PLPPR1: variants seen among roughly 807,000 people sequenced by gnomAD.
The protein encoded by PLPPR1 is phospholipid phosphatase related 1, also known as phospholipid phosphatase-related protein type 1.
Under a neutral mutation model 33.1 loss-of-function variants are expected in PLPPR1, and 10 were observed. The ratio of observed to expected loss-of-function variants is 0.30; its 90% CI spans 0.19 to 0.51. The LOEUF is 0.51. Ranked by LOEUF, PLPPR1 falls within the 20% of genes least tolerant of loss-of-function variation. PLPPR1 has a pLI of 0.97. For missense variants in PLPPR1, 304 were observed against 408.1 expected, an observed-to-expected ratio of 0.74 and a Z score of 2.20; for synonymous variants, 151 against 151.0, an observed-to-expected ratio of 1.00 and a Z score of 0.00.
At position 101,308,513 on chromosome 9, in the gene PLPPR1, G is replaced by A. The variant is rs532356856; in HGVS notation, c.386-698G>A. ...GATACATTTGTGTTGTAAGCCCCTC[G>A]GTTTGTGGTAATTTGTTATAGCAGC... On this transcript the variant is annotated intron_variant, in intron 4 of 7. Coordinates refer to ENST00000374874, the MANE Select transcript of PLPPR1 (RefSeq NM_207299.2). Among the ~76,000 whole-genome samples, 9 of 152,226 alleles carry A rather than the reference G, an allele frequency of 5.9e-5. No individual in the cohort carries two copies. The South Asian group carries it at 1.0e-3, about 18-fold the overall frequency.
chr9:101,043,892 AATC>A (rs1332603376), intron 1 of PLPPR1, among the ~76,000 whole-genome samples: 2 of 152,140 alleles, frequency 1.3e-5, no homozygotes, highest in Admixed American at 1.3e-4. Flanking sequence ...GCATCTCCCT[AATC>A]ATTAGTCATG....
intron 2 of PLPPR1, among the ~76,000 whole-genome samples, chr9:101,208,312 A>AC (rs897125469): frequency 0.048 from 18 of 372 alleles, no homozygotes; most frequent in African/African-American, 0.19. Flanking sequence ...CACAGTGATT[A>AC]AAGTCCTCTG....
In PLPPR1 at chr9:101,188,398, T is replaced by C. The variant is rs563281543; in HGVS notation, c.63+2841T>C. ...ACCTCTATTATTAATTTTATGAGTATGTCATATATTCTGTAGTTTTTTTTC... is the reference window on the plus strand; with the variant it reads ...ACCTCTATTATTAATTTTATGAGTACGTCATATATTCTGTAGTTTTTTTTC... On this transcript the variant is annotated intron_variant, in intron 2 of 7. Transcript: ENST00000374874. Among the ~76,000 whole-genome samples the C allele has an allele frequency of 2.2e-4, 33 of 152,180 alleles. No individual in the cohort carries two copies. The East Asian group carries it at 3.7e-3, about 17-fold the overall frequency.
At chr9:101,279,995 G>A (rs1392238921) in intron 3 of PLPPR1, among the ~76,000 whole-genome samples, 1 of 151,974 alleles carries the variant, frequency 6.6e-6, no homozygotes, top group Non-Finnish European at 1.5e-5. Context: ...CAATACAAAA[G>A]ATCGATTAAA....
At chr9:101,076,783 T>G (rs546270448) in intron 1 of PLPPR1, among the ~76,000 whole-genome samples, 2 of 152,182 alleles carry the variant, frequency 1.3e-5, no homozygotes, top group Non-Finnish European at 2.9e-5. Context: ...GTAAGACATA[T>G]TTCTAAAGTG....
intron 2 of PLPPR1, among the ~76,000 whole-genome samples, chr9:101,243,143 A>ACC (rs1827512338): frequency 6.6e-6 from 1 of 152,060 alleles, no homozygotes; most frequent in Non-Finnish European, 1.5e-5. Flanking sequence ...GTAGAAATGT[A>ACC]TGATTCATCA....
intron 1 of PLPPR1, among the ~76,000 whole-genome samples, chr9:101,085,947 T>C (rs1205984351): frequency 6.6e-6 from 1 of 152,188 alleles, no homozygotes; most frequent in Non-Finnish European, 1.5e-5. Context: ...GTTGGAAATT[T>C]TCAATCTGTC....
chr9:101,286,259 C>G (rs752700672), intron 4 of PLPPR1, 23 bp downstream of exon 4: 1 of 1,582,334 alleles, frequency 6.3e-7, no homozygotes, highest in African/African-American at 1.4e-5. Context: ...TGGTGCTGAA[C>G]TAAGCTCTCA....
chr9:101,156,033 A>T (rs1366653534), intron 1 of PLPPR1, among the ~76,000 whole-genome samples: 1 of 152,232 alleles, frequency 6.6e-6, no homozygotes, highest in East Asian at 1.9e-4. Flanking sequence ...CTTCTGGCAG[A>T]TATAATACTT....
chr9:101,213,472 A>C (rs1826724520), intron 2 of PLPPR1, among the ~76,000 whole-genome samples: 1 of 152,172 alleles, frequency 6.6e-6, no homozygotes, highest in Non-Finnish European at 1.5e-5. Context: ...GAAGCATATA[A>C]AATTTGTAAA....
rs1049431098 is a variant in PLPPR1, at chr9:101,094,339, G to C, written c.-46+65237G>C. On this transcript the variant is annotated intron_variant, in intron 1 of 7. Transcript: ENST00000374874. ...TTCCCTGATTGTATTACCCTCCTGT[G>C]CCTTTGCAGTTGCTAGTGTTCTTTT... is the stretch of plus-strand genomic sequence containing the variant. 4.6e-5 allele frequency among the ~76,000 whole-genome samples: 7 copies of C among 152,032 alleles called. 1 individual carries two copies. The South Asian group carries it at 1.2e-3, about 27-fold the overall frequency.
intron 1 of PLPPR1, among the ~76,000 whole-genome samples, chr9:101,106,058 G>T (rs1351186441): frequency 4.6e-5 from 7 of 151,260 alleles, no homozygotes; most frequent in Non-Finnish European, 1.0e-4. Context: ...CATGTGAGAT[G>T]GGTTTCCTGA....
intron 1 of PLPPR1, among the ~76,000 whole-genome samples, chr9:101,065,366 T>C (rs1379107885): frequency 6.6e-6 from 1 of 152,114 alleles, no homozygotes; most frequent in Non-Finnish European, 1.5e-5. Context: ...ACTCACTTCC[T>C]TTCAAACCTT....
At chr9:101,305,006 A>G (rs1183656429) in intron 4 of PLPPR1, among the ~76,000 whole-genome samples, 1 of 152,058 alleles carries the variant, frequency 6.6e-6, no homozygotes, top group Non-Finnish European at 1.5e-5. Context: ...AAGGTAAGAG[A>G]GGAGAGTCTT....
At chr9:101,315,877 T>C (rs964072513) in intron 6 of PLPPR1, among the ~76,000 whole-genome samples, 10 of 152,088 alleles carry the variant, frequency 6.6e-5, no homozygotes, top group African/African-American at 2.4e-4. Context: ...GTGCTTTATG[T>C]TTGTGGTTCC....
intron 3 of PLPPR1, among the ~76,000 whole-genome samples, chr9:101,276,293 T>C (rs575125910): frequency 6.6e-6 from 1 of 152,368 alleles, no homozygotes; most frequent in East Asian, 1.9e-4. Flanking sequence ...TTTACATTTT[T>C]CTGGAAAAAA....
At chr9:101,243,769 AG>A (rs1827529075) in intron 2 of PLPPR1, among the ~76,000 whole-genome samples, 1 of 151,968 alleles carries the variant, frequency 6.6e-6, no homozygotes. Context: ...ATCAAAGTAT[AG>A]GTGGTAGTGG....
intron 1 of PLPPR1, among the ~76,000 whole-genome samples, chr9:101,115,538 G>A (rs1030322182): frequency 3.3e-5 from 5 of 152,204 alleles, no homozygotes; most frequent in Non-Finnish European, 7.3e-5. Flanking sequence ...GGGAATATAA[G>A]AGAGGACAAA....
chr9:101,126,260 A>G (rs1223709330), intron 1 of PLPPR1, among the ~76,000 whole-genome samples: 1 of 152,214 alleles, frequency 6.6e-6, no homozygotes, highest in Non-Finnish European at 1.5e-5. Flanking sequence ...CAGTTGAGGA[A>G]CTAATAACTA....
Sources: allele counts gnomAD v4.1 joint callset (sites outside exome capture counted in the v4.1 genomes callset), GRCh38; gene constraint gnomAD v4.1.1; transcripts MANE v1.5; gene names NCBI Gene and HGNC (gene_info 2026-07-23, HGNC 2026-07-21).